The following EFCAB7 variants were observed in gnomAD, a reference collection of about 807,000 sequenced individuals.
EFCAB7 encodes EF-hand calcium binding domain 7.
A neutral mutation model predicts 77.1 loss-of-function variants in EFCAB7; 66 were observed. That is an observed-to-expected ratio of 0.86 (90% confidence interval 0.70 to 1.05). The LOEUF (loss-of-function observed/expected upper bound fraction) is 1.05. EFCAB7 is among the 50% of genes least tolerant of loss of function. The probability of loss-of-function intolerance (pLI) is 0.00; values close to 1 mark genes in which losing one functional copy is unlikely to be tolerated. For synonymous variants in EFCAB7, 225 were observed against 243.3 expected (o/e 0.92, Z 0.70); for missense variants, 638 against 730.5 (o/e 0.87, Z 1.46).
chr1:63,540,582 A>T (rs940892402), intron 6 of EFCAB7, among the ~76,000 whole-genome samples: 2 of 152,056 alleles, frequency 1.3e-5, no homozygotes, highest in African/African-American at 2.4e-5. Flanking sequence ...ATCTCTGGCT[A>T]CCTCAATTTT....
downstream of EFCAB7, among the ~76,000 whole-genome samples, chr1:63,575,758 AT>A (rs112185781): frequency 5.4e-5 from 8 of 147,904 alleles, no homozygotes; most frequent in Admixed American, 1.4e-4. Flanking sequence ...TCGTTTTCAT[AT>A]TTTTTTTTTG....
the EFCAB7 span, among the ~76,000 whole-genome samples, chr1:63,581,623 A>C: frequency 6.6e-6 from 1 of 152,182 alleles, no homozygotes; most frequent in Non-Finnish European, 1.5e-5. Context: ...GTTTGCTAAT[A>C]CAGTTGACCC....
the EFCAB7 span, among the ~76,000 whole-genome samples, chr1:63,583,313 T>G: frequency 6.6e-6 from 1 of 152,200 alleles, no homozygotes; most frequent in African/African-American, 2.4e-5. Context: ...CTCCGCAGCC[T>G]TGAAGGGAAA....
chr1:63,549,490 TGG>T, intron 7 of EFCAB7: 1 of 459,636 alleles, frequency 2.2e-6, no homozygotes, highest in Non-Finnish European at 4.5e-6. Context: ...ATCCAGGAGG[TGG>T]ATAATTACTG....
chr1:63,560,663 A>G (rs185819863), intron 10 of EFCAB7, among the ~76,000 whole-genome samples: 9 of 151,992 alleles, frequency 5.9e-5, no homozygotes, highest in African/African-American at 2.2e-4. Flanking sequence ...CTACAGGTGC[A>G]TGCCAGCATG....
At chr1:63,531,736 T>C in intron 2 of EFCAB7, 84 bp from the exon 3 acceptor site, 8 of 1,122,778 alleles carry the variant, frequency 7.1e-6, no homozygotes, top group Non-Finnish European at 1.0e-5. Flanking sequence ...AATATCATAA[T>C]ACATAATGAT....
At chr1:63,542,619 T>C (rs1646842906) in intron 6 of EFCAB7, among the ~76,000 whole-genome samples, 1 of 152,190 alleles carries the variant, frequency 6.6e-6, no homozygotes, top group Non-Finnish European at 1.5e-5. Context: ...CCAATACTTG[T>C]CGTTTTCTGT....
At chr1:63,523,954 G>A (rs559116203) in intron 1 of EFCAB7, among the ~76,000 whole-genome samples, 46 of 152,178 alleles carry the variant, frequency 3.0e-4, no homozygotes, top group Admixed American at 2.9e-3. Flanking sequence ...TATTTATGGA[G>A]CCGTTTGCTG....
rs72163225 is a variant in EFCAB7 at position 63,532,655 on chromosome 1, G to GTTT, written c.400-6_400-4dup. The GTTT allele has an allele frequency of 1.2e-5, 14 of 1,208,708 alleles. No homozygotes were observed. Among genetic ancestry groups the GTTT allele is most frequent in the South Asian group, 6.1e-5 (4 of 65,194 alleles). 74.9% of individuals were successfully genotyped at this position (1,208,708 alleles called of 1,614,324 possible). ...ATCATGTTGCTTTAAAATAAATCTT[G>GTTT]TTTTTTTTTTTCAGAGAGGTGAGAA... On this transcript the variant is annotated splice_polypyrimidine_tract_variant and intron_variant, in intron 3 of 13. Transcript: ENST00000371088.
the EFCAB7 span, among the ~76,000 whole-genome samples, chr1:63,580,769 T>G: frequency 2.0e-5 from 3 of 152,220 alleles, no homozygotes; most frequent in Admixed American, 1.3e-4. Flanking sequence ...TTTGTAGTTT[T>G]CAGCATACAG....
At chr1:63,561,033 A>C (rs756111811) in intron 10 of EFCAB7, among the ~76,000 whole-genome samples, 1 of 152,232 alleles carries the variant, frequency 6.6e-6, no homozygotes, top group Non-Finnish European at 1.5e-5. Context: ...CTTATTATCC[A>C]TGTTACAGAC....
intron 10 of EFCAB7, among the ~76,000 whole-genome samples, chr1:63,560,449 T>A (rs949135419): frequency 6.6e-6 from 1 of 151,932 alleles, no homozygotes; most frequent in African/African-American, 2.4e-5. Flanking sequence ...CTCTTCATGA[T>A]TGAATTTAAT....
At chr1:63,576,960 A>G (rs1186825556), downstream of EFCAB7, among the ~76,000 whole-genome samples, 1 of 152,100 alleles carries the variant, frequency 6.6e-6, no homozygotes, top group Non-Finnish European at 1.5e-5. Context: ...CAGCCTGGCC[A>G]ATATGGTGAA....
chr1:63,561,502 TAC>T (rs1647100106), intron 10 of EFCAB7, among the ~76,000 whole-genome samples: 1 of 152,218 alleles, frequency 6.6e-6, no homozygotes, highest in Non-Finnish European at 1.5e-5. Flanking sequence ...AATTGTGTAC[TAC>T]GATATATCTA....
chr1:63,552,784 G>T (rs2100906533), intron 8 of EFCAB7, among the ~76,000 whole-genome samples: 2 of 152,252 alleles, frequency 1.3e-5, no homozygotes, highest in African/African-American at 4.8e-5. Context: ...ACATTTCCCT[G>T]ATAGAATGTT....
In EFCAB7 at chr1:63,545,979, C is replaced by G; in HGVS notation, c.868C>G (p.His290Asp). 1.2e-6 allele frequency: 2 copies of G among 1,613,756 alleles called. No homozygotes were observed. The highest frequency in any genetic ancestry group is 1.1e-5 in the South Asian group (1 of 91,064). ...FLEEDGEIIS[H>D]QYRMQIAQRS... ...AGAAGAAGATGGTGAAATCATTAGT[C>G]ATCAGTACAGGATGCAAATAGCTCA... The change falls in exon 7 of 14, where the codon CAT becomes GAT. Residue 290 changes from histidine to aspartate, a missense_variant. Physicochemically the swap from His to Asp is moderately conservative, Grantham distance 81. Transcript: ENST00000371088.
intron 10 of EFCAB7, among the ~76,000 whole-genome samples, chr1:63,559,763 A>G (rs1459992042): frequency 6.6e-6 from 1 of 152,222 alleles, no homozygotes; most frequent in Non-Finnish European, 1.5e-5. Context: ...CACCATTACA[A>G]TATCATTTAC....
At chr1:63,579,192 C>T in the EFCAB7 span, among the ~76,000 whole-genome samples, 1 of 152,232 alleles carries the variant, frequency 6.6e-6, no homozygotes, top group South Asian at 2.1e-4. Flanking sequence ...AACTCCCTCA[C>T]GTTATTTCTT....
chr1:63,547,426 A>G (rs1048844285), intron 7 of EFCAB7: 1 of 152,222 alleles, frequency 6.6e-6, no homozygotes, highest in Non-Finnish European at 1.5e-5. Context: ...TAGGAAAGTG[A>G]TAAGTGTTAT....
Sources: gnomAD v4.1 joint callset for allele counts (sites outside exome capture counted in the v4.1 genomes callset) on GRCh38, gnomAD v4.1.1 for gene constraint, MANE v1.5 for transcripts, NCBI Gene and HGNC (gene_info 2026-07-23, HGNC 2026-07-21) for gene names.